Variants in KCNN2 observed in about 807,000 individuals in gnomAD.
KCNN2 encodes the protein potassium calcium-activated channel subfamily N member 2.
In KCNN2, 24 loss-of-function variants were observed where a neutral mutation model predicts 55.5. The ratio of observed to expected loss-of-function variants is 0.43; its 90% CI spans 0.31 to 0.61. The LOEUF is 0.61. Ranked by LOEUF, KCNN2 falls within the 20% of genes least tolerant of loss-of-function variation. The probability of loss-of-function intolerance (pLI) is 0.08; values close to 1 mark genes in which losing one functional copy is unlikely to be tolerated. For missense variants in KCNN2, 754 were observed against 853.6 expected (o/e 0.88, Z 1.45); for synonymous variants, 431 against 336.1 (o/e 1.28, Z -3.09).
chr5:114,263,527 G>T (rs889797981), intron 2 of KCNN2, among the ~76,000 whole-genome samples: 4 of 151,752 alleles, frequency 2.6e-5, no homozygotes, highest in African/African-American at 9.7e-5. Context: ...GGATCGGATT[G>T]CCCCCTTCAG....
At chr5:114,168,856 TTCTC>T (rs1752973299) in intron 1 of KCNN2, among the ~76,000 whole-genome samples, 1 of 152,126 alleles carries the variant, frequency 6.6e-6, no homozygotes, top group Admixed American at 6.6e-5. Context: ...AGGAAGGTGT[TTCTC>T]TATGTATAAT....
In KCNN2 at chr5:114,161,618, C is replaced by T. The variant is rs200825065; in HGVS notation, c.-270-59862C>T. 1.1e-4 allele frequency among the ~76,000 whole-genome samples: 17 copies of T among 152,322 alleles called. No homozygotes were observed. In the East Asian group the frequency reaches 3.1e-3, roughly 28 times the overall value. On this transcript the variant is annotated intron_variant, in intron 1 of 10. Coordinates refer to the KCNN2 transcript ENST00000512097. ...GTGTTTTCCAACTTGATTGCATTCT[C>T]CCCATCACGTTCAGGTACACCAATC... is the stretch of plus-strand genomic sequence containing the variant.
chr5:114,247,624 GT>G (rs774938390), intron 2 of KCNN2, among the ~76,000 whole-genome samples: 1 of 152,174 alleles, frequency 6.6e-6, no homozygotes, highest in Non-Finnish European at 1.5e-5. Flanking sequence ...CTTGCCTAAT[GT>G]TTTTAGTAGC....
At chr5:114,059,673 C>T (rs1186546980) in intron 1 of KCNN2, among the ~76,000 whole-genome samples, 1 of 152,182 alleles carries the variant, frequency 6.6e-6, no homozygotes, top group Non-Finnish European at 1.5e-5. Flanking sequence ...CCTCTTTGGG[C>T]TGAGGCAAGT....
At chr5:114,200,864 C>T (rs983953983) in intron 1 of KCNN2, among the ~76,000 whole-genome samples, 3 of 151,988 alleles carry the variant, frequency 2.0e-5, no homozygotes, top group Non-Finnish European at 4.4e-5. Context: ...CAGCTGGGGA[C>T]TTCGATGTCA....
At chr5:114,065,204 A>C (rs1008517997) in intron 1 of KCNN2, among the ~76,000 whole-genome samples, 1 of 152,194 alleles carries the variant, frequency 6.6e-6, no homozygotes, top group African/African-American at 2.4e-5. Context: ...AGTAGTTCAT[A>C]GGAGAGAAGA....
intron 1 of KCNN2, among the ~76,000 whole-genome samples, chr5:114,210,332 C>A (rs1753857714): frequency 6.6e-6 from 1 of 152,070 alleles, no homozygotes; most frequent in Non-Finnish European, 1.5e-5. Flanking sequence ...ACACATAATA[C>A]ATGGTATGTA....
intron 2 of KCNN2, among the ~76,000 whole-genome samples, chr5:114,239,528 A>T (rs4538601): frequency 1.3e-5 from 2 of 152,240 alleles, no homozygotes; most frequent in African/African-American, 4.8e-5. Flanking sequence ...TAGGGACAAA[A>T]AAAATGGGAT....
At chr5:114,341,063 C>A (rs191350426) in intron 2 of KCNN2, among the ~76,000 whole-genome samples, 2 of 152,256 alleles carry the variant, frequency 1.3e-5, no homozygotes, top group Admixed American at 1.3e-4. Flanking sequence ...TATGTATATA[C>A]CACATTTTCT....
intron 2 of KCNN2, among the ~76,000 whole-genome samples, chr5:114,324,057 C>T (rs1756668899): frequency 6.6e-6 from 1 of 152,124 alleles, no homozygotes; most frequent in African/African-American, 2.4e-5. Flanking sequence ...ATCTAACAGA[C>T]TAACAGGTAT....
At chr5:114,250,573 G>A (rs909991540) in intron 2 of KCNN2, among the ~76,000 whole-genome samples, 2 of 152,178 alleles carry the variant, frequency 1.3e-5, no homozygotes, top group Non-Finnish European at 2.9e-5. Context: ...ATATGAAAAG[G>A]TAGAGTGCAC....
Position 114,493,486 on chromosome 5 carries a change from G to A in KCNN2, c.2088+14G>A. The A allele has an allele frequency of 6.3e-7, 1 of 1,589,028 alleles. No homozygotes were observed. Among genetic ancestry groups the A allele is most frequent in the South Asian group, 1.1e-5 (1 of 90,536 alleles). On this transcript the variant is annotated intron_variant, in intron 7 of 7. Transcript: ENST00000673685. ...GACTTGGCAAAGGTAAGCCTGAGGT[G>A]CTTAGCCCTCCTAGTTGCATCTGTT...
At chr5:114,417,511 C>T (rs1759341871) in intron 3 of KCNN2, among the ~76,000 whole-genome samples, 1 of 152,126 alleles carries the variant, frequency 6.6e-6, no homozygotes, top group Non-Finnish European at 1.5e-5. Flanking sequence ...CCTTTTGTTC[C>T]TCCTCTTAAC....
chr5:114,485,534 C>G lies in KCNN2; in HGVS notation c.1891-1516C>G, dbSNP rs55734739. Among the ~76,000 whole-genome samples the G allele has an allele frequency of 1.0e-2, 1,518 of 152,278 alleles. 17 individuals carry two copies. The highest frequency in any genetic ancestry group is 0.035 in the African/African-American group (1,442 of 41,544). On this transcript the variant is annotated intron_variant, in intron 5 of 7. Coordinates refer to ENST00000673685, the MANE Select transcript of KCNN2 (RefSeq NM_021614.4). The stretch of plus-strand genomic sequence containing the variant: ...TCTGAAAGGTGGCTCTCCCGGCTGT[C>G]TGAGGAAGTGGAAGTATGAAGATGG...
At chr5:114,339,881 A>G (rs1170014749) in intron 2 of KCNN2, among the ~76,000 whole-genome samples, 2 of 152,162 alleles carry the variant, frequency 1.3e-5, no homozygotes, top group Non-Finnish European at 2.9e-5. Context: ...TTGGGCCCAC[A>G]GACCTCCATG....
chr5:114,097,112 T>C lies in KCNN2; in HGVS notation c.-271+40612T>C, dbSNP rs562997721. On this transcript the variant is annotated intron_variant, in intron 1 of 10. Transcript: ENST00000512097. ...GTATCCTGAAAGTATTAGATCCAAATAGTAGACCTACTTGAATGGTTAGAT... is the reference window on the plus strand; with the variant it reads ...GTATCCTGAAAGTATTAGATCCAAACAGTAGACCTACTTGAATGGTTAGAT... Among the ~76,000 whole-genome samples the C allele has an allele frequency of 6.6e-5, 10 of 152,306 alleles. No individual in the cohort carries two copies. In the East Asian group the frequency reaches 1.4e-3, roughly 21 times the overall value.
At chr5:114,189,958 C>T (rs539178943) in intron 1 of KCNN2, among the ~76,000 whole-genome samples, 1 of 151,674 alleles carries the variant, frequency 6.6e-6, no homozygotes, top group South Asian at 2.1e-4. Flanking sequence ...AAGTGAAAAG[C>T]AAAAGTTCAA....
At chr5:114,447,810 C>G (rs1395277389) in intron 3 of KCNN2, among the ~76,000 whole-genome samples, 1 of 152,216 alleles carries the variant, frequency 6.6e-6, no homozygotes, top group Non-Finnish European at 1.5e-5. Flanking sequence ...CCACACTTTA[C>G]GAAGGGTGCG....
intron 2 of KCNN2, among the ~76,000 whole-genome samples, chr5:114,323,642 CAT>C (rs1298415320): frequency 3.8e-5 from 2 of 53,270 alleles, no homozygotes; most frequent in Non-Finnish European, 8.3e-5. Flanking sequence ...ATGATATAAA[CAT>C]ATCAATTTTT....
Sources: allele counts gnomAD v4.1 joint callset (sites outside exome capture counted in the v4.1 genomes callset), GRCh38; gene constraint gnomAD v4.1.1; transcripts MANE v1.5; gene names NCBI Gene and HGNC (gene_info 2026-07-23, HGNC 2026-07-21).